FHIT: variants seen among roughly 807,000 people sequenced by gnomAD.
FHIT encodes fragile histidine triad diadenosine triphosphatase.
FHIT carries 19 observed loss-of-function variants against 17.9 expected under a neutral mutation model. The observed-to-expected ratio is 1.06, with a 90% CI of 0.74 to 1.56. FHIT has a LOEUF of 1.56. Among genes scored for constraint, FHIT ranks in the 40% most tolerant of loss-of-function variants. The pLI is 0.00. For synonymous variants in FHIT, 81 were observed against 69.7 expected (o/e 1.16, Z -0.81); for missense variants, 248 against 189.2 (o/e 1.31, Z -1.82).
At chr3:61,120,813 G>A (rs1044996701) in intron 2 of FHIT, among the ~76,000 whole-genome samples, 15 of 152,108 alleles carry the variant, frequency 9.9e-5, no homozygotes, top group Non-Finnish European at 4.4e-5. Context: ...AAAGGAGCAT[G>A]TTCTAATCCA....
intron 4 of FHIT, among the ~76,000 whole-genome samples, chr3:60,785,934 C>CACAGAG (rs139392863): frequency 3.6e-5 from 5 of 137,892 alleles, no homozygotes; most frequent in African/African-American, 1.3e-4. Flanking sequence ...CACACACACA[C>CACAGAG]AGAGAGAGTA....
chr3:60,738,686 T>C (rs2042181629), intron 4 of FHIT, among the ~76,000 whole-genome samples: 1 of 152,142 alleles, frequency 6.6e-6, no homozygotes, highest in Admixed American at 6.5e-5. Context: ...TCTGACCAAG[T>C]GGATGCAGAT....
intron 5 of FHIT, among the ~76,000 whole-genome samples, chr3:60,286,244 T>G (rs1707723941): frequency 6.6e-6 from 1 of 152,224 alleles, no homozygotes; most frequent in Admixed American, 6.5e-5. Context: ...GAAAATGTAA[T>G]TATGCCACAA....
intron 5 of FHIT, among the ~76,000 whole-genome samples, chr3:60,498,562 C>A (rs994777737): frequency 1.3e-5 from 2 of 152,072 alleles, no homozygotes; most frequent in Admixed American, 1.3e-4. Flanking sequence ...TGAATAATTC[C>A]TTATAATCAT....
At chr3:60,265,364 T>C (rs1269147678) in intron 5 of FHIT, among the ~76,000 whole-genome samples, 1 of 150,342 alleles carries the variant, frequency 6.7e-6, no homozygotes, top group Non-Finnish European at 1.5e-5. Flanking sequence ...GACAAGTGGA[T>C]ATCTACACAC....
chr3:60,032,426 T>A (rs1011761079), intron 5 of FHIT, among the ~76,000 whole-genome samples: 1 of 151,358 alleles, frequency 6.6e-6, no homozygotes, highest in Non-Finnish European at 1.5e-5. Flanking sequence ...CACTCCAGCC[T>A]AGGTGAAGGA....
intron 3 of FHIT, among the ~76,000 whole-genome samples, chr3:60,968,828 G>T (rs1709872887): frequency 6.6e-6 from 1 of 152,168 alleles, no homozygotes; most frequent in Admixed American, 6.5e-5. Flanking sequence ...CTATTGAGAT[G>T]ATGATATGGT....
At chr3:60,638,153 A>G (rs1218208129) in intron 4 of FHIT, among the ~76,000 whole-genome samples, 6 of 152,338 alleles carry the variant, frequency 3.9e-5, no homozygotes, top group East Asian at 3.9e-4. Flanking sequence ...AAATATTAAC[A>G]AAAAGAAACT....
chr3:61,065,455 A>G (rs1366446595), intron 2 of FHIT, among the ~76,000 whole-genome samples: 1 of 152,206 alleles, frequency 6.6e-6, no homozygotes, highest in Non-Finnish European at 1.5e-5. Flanking sequence ...CATGGAATAT[A>G]AAAATCAAAA....
rs3772501 is a variant in FHIT at position 59,992,977 on chromosome 3, A to T, written c.279+18394T>A. 2.0e-4 allele frequency among the ~76,000 whole-genome samples: 30 copies of T among 152,032 alleles called. 1 individual carries two copies. The highest frequency in any genetic ancestry group is 1.8e-3 in the Admixed American group (27 of 15,240). On this transcript the variant is annotated intron_variant, in intron 7 of 9. Coordinates refer to ENST00000492590, the MANE Select transcript of FHIT (RefSeq NM_002012.4). ...GGATTTAGTTATTCTACCCGTAAGA[A>T]GTCCAGGTCGTTAATGAAATGATAA...
intron 5 of FHIT, among the ~76,000 whole-genome samples, chr3:60,191,613 T>C (rs1702407518): frequency 6.6e-6 from 1 of 152,148 alleles, no homozygotes; most frequent in Admixed American, 6.5e-5. Context: ...TTTTTTTATA[T>C]GACATTGCAA....
chr3:60,217,296 G>C (rs914269755), intron 5 of FHIT, among the ~76,000 whole-genome samples: 1 of 152,116 alleles, frequency 6.6e-6, no homozygotes, highest in Non-Finnish European at 1.5e-5. Flanking sequence ...AAACATGTGT[G>C]TTAGATGAAG....
chr3:61,114,767 G>A (rs181570069), intron 2 of FHIT, among the ~76,000 whole-genome samples: 76 of 152,188 alleles, frequency 5.0e-4, no homozygotes, highest in Non-Finnish European at 1.5e-4. Context: ...TCAAGGACCC[G>A]GTGGACTTCC....
At chr3:59,881,353 A>C (rs1246753846) in intron 8 of FHIT, among the ~76,000 whole-genome samples, 1 of 152,162 alleles carries the variant, frequency 6.6e-6, no homozygotes, top group African/African-American at 2.4e-5. Context: ...TTTGATTAGA[A>C]TTTGTGAATA....
intron 7 of FHIT, among the ~76,000 whole-genome samples, chr3:59,925,891 C>T (rs1705635964): frequency 6.6e-6 from 1 of 152,208 alleles, no homozygotes; most frequent in African/African-American, 2.4e-5. Context: ...CTATGGACTT[C>T]TAATAGAATG....
intron 4 of FHIT, among the ~76,000 whole-genome samples, chr3:60,695,519 T>C (rs781842758): frequency 1.3e-5 from 2 of 152,218 alleles, no homozygotes; most frequent in Non-Finnish European, 1.5e-5. Context: ...CTTCCCCTTG[T>C]AGAAATGTTA....
intron 4 of FHIT, among the ~76,000 whole-genome samples, chr3:60,693,143 A>G (rs1553699857): frequency 6.6e-6 from 1 of 152,208 alleles, no homozygotes; most frequent in African/African-American, 2.4e-5. Context: ...AAGTTGAACC[A>G]GGTATAATAG....
chr3:60,263,410 C>G (rs1214929592), intron 5 of FHIT, among the ~76,000 whole-genome samples: 2 of 151,900 alleles, frequency 1.3e-5, no homozygotes, highest in African/African-American at 2.4e-5. Flanking sequence ...TTATAGCTTT[C>G]TTCATAATAG....
intron 4 of FHIT, among the ~76,000 whole-genome samples, chr3:60,585,016 C>T (rs1245907544): frequency 6.6e-6 from 1 of 151,952 alleles, no homozygotes; most frequent in African/African-American, 2.4e-5. Context: ...TGCATCACTT[C>T]AGGCATCAAC....
Sources: allele counts gnomAD v4.1 joint callset (sites outside exome capture counted in the v4.1 genomes callset), GRCh38; gene constraint gnomAD v4.1.1; transcripts MANE v1.5; gene names NCBI Gene and HGNC (gene_info 2026-07-23, HGNC 2026-07-21).